CSGALNACT1: variants seen among roughly 807,000 people sequenced by gnomAD.
CSGALNACT1 encodes chondroitin sulfate N-acetylgalactosaminyltransferase 1, also known as beta4GalNAcT-1.
In CSGALNACT1, 52 loss-of-function variants were observed where a neutral mutation model predicts 51.0. The ratio of observed to expected loss-of-function variants is 1.02; its 90% CI spans 0.82 to 1.29. The LOEUF (loss-of-function observed/expected upper bound fraction) is 1.29, where lower values mean the gene tolerates loss of function less well. CSGALNACT1 is among the 50% of genes most tolerant of loss of function. The probability of loss-of-function intolerance (pLI) is 0.00; values close to 1 mark genes in which losing one functional copy is unlikely to be tolerated. For synonymous variants in CSGALNACT1, 341 were observed against 254.4 expected (o/e 1.34, Z -3.24); for missense variants, 935 against 679.2 (o/e 1.38, Z -4.19).
chr8:19,683,990 AC>A (rs2060817262), upstream of CSGALNACT1, among the ~76,000 whole-genome samples: 1 of 152,108 alleles, frequency 6.6e-6, no homozygotes, highest in Non-Finnish European at 1.5e-5. Flanking sequence ...ACATGGTGAA[AC>A]CCCGTCTATA....
intron 4 of CSGALNACT1, among the ~76,000 whole-genome samples, chr8:19,479,445 A>C (rs548637398): frequency 2.0e-4 from 30 of 152,292 alleles, no homozygotes; most frequent in African/African-American, 7.2e-4. Flanking sequence ...AGTGTTAATA[A>C]TTTGACACAG....
intron 5 of CSGALNACT1, among the ~76,000 whole-genome samples, chr8:19,450,588 G>C (rs1480985373): frequency 6.6e-6 from 1 of 152,104 alleles, no homozygotes; most frequent in African/African-American, 2.4e-5. Context: ...CCAGGCATTT[G>C]ATTTCCACAA....
rs911149439 is a variant in CSGALNACT1 at position 19,757,672 on chromosome 8, A to G, written c.-297+178T>C. On this transcript the variant is annotated intron_variant, in intron 1 of 1. Transcript: ENST00000517494. The surrounding 1 kb of genome is among the most constrained non-coding windows in gnomAD (Gnocchi z 4.0). ...ATCTCCATGGGGTCCTTACTCTTGC[A>G]GGACAGAGTTCCCCATCCCCCTGCT... Among the ~76,000 whole-genome samples the G allele has an allele frequency of 6.6e-6, 1 of 152,104 alleles. No homozygotes were observed. Among genetic ancestry groups the G allele is most frequent in the Non-Finnish European group, 1.5e-5 (1 of 67,992 alleles).
At chr8:19,426,816 A>G (rs938567370) in intron 6 of CSGALNACT1, among the ~76,000 whole-genome samples, 1 of 152,198 alleles carries the variant, frequency 6.6e-6, no homozygotes, top group African/African-American at 2.4e-5. Flanking sequence ...ACTGGATTAA[A>G]AACGATAGAT....
chr8:19,617,067 C>G (rs2053129675), intron 1 of CSGALNACT1, among the ~76,000 whole-genome samples: 1 of 152,202 alleles, frequency 6.6e-6, no homozygotes. Context: ...TGTAACTAGA[C>G]AGTCCCATCT....
At chr8:19,733,943 G>T (rs1230726332) in intron 1 of CSGALNACT1, among the ~76,000 whole-genome samples, 1 of 152,098 alleles carries the variant, frequency 6.6e-6, no homozygotes, top group Non-Finnish European at 1.5e-5. Flanking sequence ...CCAAACCATA[G>T]AGGAGGCCAG....
chr8:19,457,292 G>T (rs1329095357), intron 5 of CSGALNACT1, among the ~76,000 whole-genome samples: 1 of 152,158 alleles, frequency 6.6e-6, no homozygotes, highest in Non-Finnish European at 1.5e-5. Context: ...TGAACATTAT[G>T]CCTTTCAATA....
chr8:19,676,983 G>A (rs1385540459), intron 1 of CSGALNACT1, among the ~76,000 whole-genome samples: 2 of 152,206 alleles, frequency 1.3e-5, no homozygotes, highest in Non-Finnish European at 2.9e-5. Flanking sequence ...CAGTCTCGTA[G>A]AGGACTAGAG....
chr8:19,533,955 T>C (rs1243740731), intron 3 of CSGALNACT1, among the ~76,000 whole-genome samples: 1 of 152,182 alleles, frequency 6.6e-6, no homozygotes, highest in African/African-American at 2.4e-5. Flanking sequence ...CCCCAGATTT[T>C]TTGGCATGTC....
At chr8:19,404,759 A>T in exon 10 of CSGALNACT1, 1 of 454,532 alleles carries the variant, frequency 2.2e-6, no homozygotes, top group South Asian at 1.6e-5. Flanking sequence ...CTGAGGAGAA[A>T]ATGTGGTTTC....
intron 2 of CSGALNACT1, among the ~76,000 whole-genome samples, chr8:19,598,281 G>C (rs893253696): frequency 1.3e-5 from 2 of 152,228 alleles, no homozygotes; most frequent in African/African-American, 4.8e-5. Context: ...TCATGTGCCA[G>C]TATGAACCTC....
chr8:19,449,252 GA>G (rs2062664428), intron 5 of CSGALNACT1, among the ~76,000 whole-genome samples: 1 of 152,138 alleles, frequency 6.6e-6, no homozygotes, highest in South Asian at 2.1e-4. Flanking sequence ...TCTTCAAAGA[GA>G]AACCGTTATC....
At chr8:19,667,435 C>CA (rs1372045318) in intron 1 of CSGALNACT1, among the ~76,000 whole-genome samples, 12 of 152,004 alleles carry the variant, frequency 7.9e-5, no homozygotes, top group Admixed American at 3.3e-4. Context: ...GACCCTGTCT[C>CA]AAAAAACAAA....
chr8:19,679,548 G>A (rs142439338), intron 1 of CSGALNACT1, among the ~76,000 whole-genome samples: 12 of 152,258 alleles, frequency 7.9e-5, no homozygotes, highest in Admixed American at 2.0e-4. Context: ...AGGTACTGAC[G>A]CAGGATGCTG....
At chr8:19,622,950 A>C (rs1346861926) in intron 1 of CSGALNACT1, among the ~76,000 whole-genome samples, 1 of 152,210 alleles carries the variant, frequency 6.6e-6, no homozygotes, top group Non-Finnish European at 1.5e-5. Context: ...ATAAAATTGA[A>C]GTATGCTGCT....
At chr8:19,606,485 C>T (rs916139662), upstream of CSGALNACT1, among the ~76,000 whole-genome samples, 2 of 152,152 alleles carry the variant, frequency 1.3e-5, no homozygotes, top group Admixed American at 6.5e-5. Context: ...AACCACATTC[C>T]TTCTACATTA....
At chr8:19,474,483 G>A (rs1196257481) in intron 4 of CSGALNACT1, among the ~76,000 whole-genome samples, 1 of 152,060 alleles carries the variant, frequency 6.6e-6, no homozygotes, top group Non-Finnish European at 1.5e-5. Context: ...GGTCTTAAGG[G>A]CAGTGACTAA....
rs140957859 is a variant in CSGALNACT1 at position 19,677,125 on chromosome 8, C to T, written c.-544+5348G>A. ...TTTGAGAATGCTTTTTTTTTTCCTC[C>T]TAAAACAGAGTCTCACTCTGTCACC... On this transcript the variant is annotated intron_variant, in intron 1 of 9. Transcript: ENST00000332246. Among the ~76,000 whole-genome samples the T allele has an allele frequency of 3.1e-3, 476 of 151,348 alleles. 4 individuals are homozygous for T. The highest frequency in any genetic ancestry group is 0.011 in the African/African-American group (454 of 41,328).
intron 4 of CSGALNACT1, among the ~76,000 whole-genome samples, chr8:19,459,512 G>A (rs910300896): frequency 2.0e-5 from 3 of 151,590 alleles, no homozygotes; most frequent in Non-Finnish European, 4.4e-5. Context: ...CCCTCTGGAA[G>A]CTTCTAGAAG....
Sources: allele counts gnomAD v4.1 joint callset (sites outside exome capture counted in the v4.1 genomes callset), GRCh38; gene constraint gnomAD v4.1.1; non-coding constraint Gnocchi (gnomAD v3.1); transcripts MANE v1.5; gene names NCBI Gene and HGNC (gene_info 2026-07-23, HGNC 2026-07-21).